RGS7: variants seen among roughly 807,000 people sequenced by gnomAD.
RGS7 encodes the protein regulator of G-protein signaling 7.
A neutral mutation model predicts 81.1 loss-of-function variants in RGS7; 27 were observed. That is an observed-to-expected ratio of 0.33 (90% CI 0.25 to 0.46). RGS7 has a LOEUF of 0.46. RGS7 is among the 20% of genes least tolerant of loss of function. RGS7 has a pLI of 1.00. For synonymous variants in RGS7, 208 were observed against 207.7 expected (o/e 1.00, Z -0.01); for missense variants, 396 against 607.4 (o/e 0.65, Z 3.66).
rs146752065 is a variant in RGS7, at chr1:241,075,941, T to C, written c.175+22725A>G. Among the ~76,000 whole-genome samples, 192 of 152,346 alleles carry C rather than the reference T, an allele frequency of 1.3e-3. 1 individual carries two copies. The highest frequency in any genetic ancestry group is 4.3e-3 in the African/African-American group (178 of 41,572). On this transcript the variant is annotated intron_variant, in intron 3 of 18. Transcript: ENST00000440928. The stretch of plus-strand genomic sequence containing the variant: ...AAACTTTTTAAACTGTCAGTACAAC[T>C]CCTTTTGAACATATCTTCTAGGTTG...
At chr1:240,954,841 A>G (rs1015447976) in intron 4 of RGS7, among the ~76,000 whole-genome samples, 2 of 152,194 alleles carry the variant, frequency 1.3e-5, no homozygotes, top group Non-Finnish European at 2.9e-5. Flanking sequence ...TTGTCTACGT[A>G]GAAAATCCCA....
chr1:240,790,542 T>C (rs1269438175), intron 18 of RGS7, among the ~76,000 whole-genome samples: 1 of 152,174 alleles, frequency 6.6e-6, no homozygotes, highest in Non-Finnish European at 1.5e-5. Flanking sequence ...AATTCACTAG[T>C]TGTCATCTAG....
chr1:241,186,468 CTCT>C (rs2103340272), intron 2 of RGS7: 5 of 932,558 alleles, frequency 5.4e-6, no homozygotes, highest in Admixed American at 6.2e-5. Context: ...ATTGCTATGG[CTCT>C]TCTTCAAACT....
intron 2 of RGS7, among the ~76,000 whole-genome samples, chr1:241,209,425 A>C (rs2074115358): frequency 6.6e-6 from 1 of 152,244 alleles, no homozygotes; most frequent in Admixed American, 6.5e-5. Context: ...ACATTAGTAC[A>C]AATAAGACTT....
chr1:240,967,736 A>G (rs1286849045), intron 4 of RGS7, among the ~76,000 whole-genome samples: 1 of 152,200 alleles, frequency 6.6e-6, no homozygotes, highest in Non-Finnish European at 1.5e-5. Flanking sequence ...GAGTGGGCTC[A>G]GGCCTTCAAA....
At chr1:240,782,298 A>G (rs1684256375) in intron 18 of RGS7, among the ~76,000 whole-genome samples, 2 of 152,240 alleles carry the variant, frequency 1.3e-5, no homozygotes, top group Admixed American at 1.3e-4. Flanking sequence ...CGGTATTTGC[A>G]TGTCAGCCAT....
At chr1:240,812,302 A>G (rs1689987622) in intron 13 of RGS7, among the ~76,000 whole-genome samples, 1 of 152,146 alleles carries the variant, frequency 6.6e-6, no homozygotes, top group Non-Finnish European at 1.5e-5. Flanking sequence ...CAACCACTTT[A>G]TGAGATAGCC....
At chr1:241,321,657 T>C (rs941377388) in intron 2 of RGS7, among the ~76,000 whole-genome samples, 6 of 152,214 alleles carry the variant, frequency 3.9e-5, no homozygotes, top group African/African-American at 1.4e-4. Flanking sequence ...GTCTGAGAAT[T>C]AAGACATATG....
At chr1:241,272,328 G>T (rs907168667) in intron 2 of RGS7, among the ~76,000 whole-genome samples, 7 of 151,960 alleles carry the variant, frequency 4.6e-5, no homozygotes, top group Admixed American at 6.6e-5. Flanking sequence ...CCTACCCAAG[G>T]TCACATATGA....
At chr1:241,295,258 CG>C (rs2079344020) in intron 2 of RGS7, among the ~76,000 whole-genome samples, 1 of 151,262 alleles carries the variant, frequency 6.6e-6, no homozygotes, top group African/African-American at 2.4e-5. Context: ...ACCAGCCTGA[CG>C]AACATGATGA....
At chr1:241,014,976 C>T (rs1243807578) in intron 3 of RGS7, among the ~76,000 whole-genome samples, 2 of 152,136 alleles carry the variant, frequency 1.3e-5, no homozygotes, top group African/African-American at 4.8e-5. Flanking sequence ...AGCCTAGATA[C>T]AGGGAAATAG....
Position 241,223,055 on chromosome 1 carries a change from A to G in RGS7, c.79-124293T>C, listed in dbSNP as rs187572203. On this transcript the variant is annotated intron_variant, in intron 2 of 18. Transcript: ENST00000440928. ...TATATGTGGCACATTTTCTTTATCC[A>G]GTCTATTATTGATGGACATTTAAAT... 1.1e-3 allele frequency among the ~76,000 whole-genome samples: 164 copies of G among 152,290 alleles called. 1 individual carries two copies. The East Asian group carries it at 0.03, about 27-fold the overall frequency.
chr1:240,998,807 T>G (rs145217999), intron 3 of RGS7: 2 of 638,090 alleles, frequency 3.1e-6, no homozygotes, highest in Non-Finnish European at 3.0e-6. Context: ...CACGGGTGAG[T>G]GTGGGGCTGG....
At chr1:241,277,745 G>A (rs2078274226) in intron 2 of RGS7, among the ~76,000 whole-genome samples, 1 of 152,084 alleles carries the variant, frequency 6.6e-6, no homozygotes, top group Non-Finnish European at 1.5e-5. Flanking sequence ...ATTACTCAAA[G>A]AGATACAGCA....
At chr1:240,847,584 A>C (rs1659324702) in intron 9 of RGS7, among the ~76,000 whole-genome samples, 1 of 152,208 alleles carries the variant, frequency 6.6e-6, no homozygotes, top group South Asian at 2.1e-4. Context: ...TATGTAATCC[A>C]TCATTCGGGC....
At chr1:241,313,258 T>C (rs2080661307) in intron 2 of RGS7, among the ~76,000 whole-genome samples, 1 of 152,226 alleles carries the variant, frequency 6.6e-6, no homozygotes, top group Non-Finnish European at 1.5e-5. Context: ...AATAATAGAT[T>C]TTCCTTGTAG....
chr1:241,174,424 A>G (rs1260868711), intron 2 of RGS7, among the ~76,000 whole-genome samples: 3 of 152,212 alleles, frequency 2.0e-5, no homozygotes, highest in Non-Finnish European at 2.9e-5. Flanking sequence ...CAAGTAAGAA[A>G]TTGATTGGTT....
intron 3 of RGS7, among the ~76,000 whole-genome samples, chr1:241,089,063 C>CTCTCTCTATATATATATA (rs1374552672): frequency 8.4e-5 from 2 of 23,686 alleles, no homozygotes; most frequent in African/African-American, 2.3e-4. Flanking sequence ...CTCTCTCTCT[C>CTCTCTCTATATATATATA]TATATATATA....
chr1:241,173,946 C>T (rs1337435774), intron 2 of RGS7, among the ~76,000 whole-genome samples: 1 of 152,128 alleles, frequency 6.6e-6, no homozygotes, highest in Non-Finnish European at 1.5e-5. Flanking sequence ...CCATACTTTA[C>T]CTGGAAGAAG....
Sources: allele counts gnomAD v4.1 joint callset (sites outside exome capture counted in the v4.1 genomes callset), GRCh38; gene constraint gnomAD v4.1.1; transcripts MANE v1.5; gene names NCBI Gene and HGNC (gene_info 2026-07-23, HGNC 2026-07-21).